ZFHX3: variants seen among roughly 807,000 people sequenced by gnomAD.
ZFHX3 encodes zinc finger homeobox 3, also known as zinc finger homeobox protein 3.
Under a neutral mutation model 279.1 loss-of-function variants are expected in ZFHX3, and 42 were observed. That is an observed-to-expected ratio of 0.15 (90% CI 0.12 to 0.19). ZFHX3 has a LOEUF of 0.19. Ranked by LOEUF, ZFHX3 falls within the 10% of genes least tolerant of loss-of-function variation. The pLI, the probability that ZFHX3 is intolerant of heterozygous loss-of-function variation, is 1.00. For missense variants in ZFHX3, 4,981 were observed against 4,754.0 expected, an observed-to-expected ratio of 1.05 and a Z score of -1.40; for synonymous variants, 2,293 against 1,957.8, an observed-to-expected ratio of 1.17 and a Z score of -4.52.
chr16:73,439,490 G>A (rs765050038), intron 3 of ZFHX3, among the ~76,000 whole-genome samples: 1 of 151,928 alleles, frequency 6.6e-6, no homozygotes, highest in Non-Finnish European at 1.5e-5. Context: ...ACAACTAAAT[G>A]CAAAATGCAT....
intron 2 of ZFHX3, among the ~76,000 whole-genome samples, chr16:73,521,444 G>C (rs144366503): frequency 1.3e-5 from 2 of 152,266 alleles, no homozygotes; most frequent in Non-Finnish European, 2.9e-5. Flanking sequence ...TACCACAATA[G>C]TACTGGTAAT....
chr16:73,342,467 A>T (rs2016050673), intron 3 of ZFHX3, among the ~76,000 whole-genome samples: 1 of 152,232 alleles, frequency 6.6e-6, no homozygotes, highest in Non-Finnish European at 1.5e-5. Context: ...TGGTGCAATC[A>T]GACAGTGCGG....
intron 1 of ZFHX3, among the ~76,000 whole-genome samples, chr16:73,009,770 C>T (rs1318135296): frequency 6.6e-6 from 1 of 152,102 alleles, no homozygotes; most frequent in East Asian, 1.9e-4. Context: ...CCTGTAATTC[C>T]AGCACTTTCA....
chr16:73,686,876 A>G (rs1253333454), intron 1 of ZFHX3, among the ~76,000 whole-genome samples: 1 of 151,408 alleles, frequency 6.6e-6, no homozygotes, highest in Non-Finnish European at 1.5e-5. Context: ...TTTGGGGTGC[A>G]CTGGTCTTGG....
chr16:73,776,258 G>T (rs1295665230), intron 1 of ZFHX3, among the ~76,000 whole-genome samples: 1 of 152,102 alleles, frequency 6.6e-6, no homozygotes, highest in African/African-American at 2.4e-5. Context: ...AAGTGTGCAG[G>T]GCTAGGAGAG....
chr16:73,189,073 AG>A (rs1390451015), intron 5 of ZFHX3, among the ~76,000 whole-genome samples: 3 of 152,122 alleles, frequency 2.0e-5, no homozygotes, highest in Non-Finnish European at 4.4e-5. Context: ...CATATTGGCC[AG>A]GCTGGTCTCG....
At chr16:73,579,689 A>C (rs1049676084) in intron 2 of ZFHX3, among the ~76,000 whole-genome samples, 3 of 150,304 alleles carry the variant, frequency 2.0e-5, no homozygotes, top group Non-Finnish European at 3.0e-5. Flanking sequence ...TTTTTAGTAG[A>C]GACGGGGTTT....
At chr16:73,806,046 A>G (rs1567416459) in intron 1 of ZFHX3, among the ~76,000 whole-genome samples, 1 of 152,236 alleles carries the variant, frequency 6.6e-6, no homozygotes, top group Non-Finnish European at 1.5e-5. Flanking sequence ...GGCGAAAGGC[A>G]TCTCTTCACA....
chr16:73,673,949 A>T (rs1287552455), intron 2 of ZFHX3, among the ~76,000 whole-genome samples: 1 of 152,212 alleles, frequency 6.6e-6, no homozygotes, highest in African/African-American at 2.4e-5. Context: ...CCCCTAAGTC[A>T]GGTGACGAAC....
At chr16:73,255,253 A>G (rs2013631409) in intron 5 of ZFHX3, among the ~76,000 whole-genome samples, 1 of 152,248 alleles carries the variant, frequency 6.6e-6, no homozygotes, top group Admixed American at 6.5e-5. Context: ...CTAAATGATA[A>G]CAAGCCAGTG....
At position 73,407,805 on chromosome 16, in the gene ZFHX3, GC is replaced by G. The variant is rs549284619; in HGVS notation, c.-1291+48197del. Among the ~76,000 whole-genome samples, 19 of 152,338 alleles carry G rather than the reference GC, an allele frequency of 1.2e-4. No homozygotes were observed. The South Asian group carries it at 1.9e-3, about 15-fold the overall frequency. On this transcript the variant is annotated intron_variant, in intron 3 of 17. Coordinates refer to the ZFHX3 transcript ENST00000641206. ...AGAGGCAGCAAGTTCTGTAGGTTTG[GC>G]CAGATCTTCCTTTTCAAAGACAGAC... is the stretch of plus-strand genomic sequence containing the variant.
At chr16:73,012,635 G>C (rs943788101) in intron 1 of ZFHX3, among the ~76,000 whole-genome samples, 1 of 152,156 alleles carries the variant, frequency 6.6e-6, no homozygotes, top group Non-Finnish European at 1.5e-5. Context: ...AATCTAGGCA[G>C]CTGGAGATGA....
At chr16:73,840,078 A>G (rs901478131) in intron 1 of ZFHX3, among the ~76,000 whole-genome samples, 2 of 152,116 alleles carry the variant, frequency 1.3e-5, no homozygotes, top group African/African-American at 4.8e-5. Flanking sequence ...TTGTCTCTGC[A>G]CACCCAGCTC....
upstream of ZFHX3, chr16:73,048,455 G>A (rs1965382204): frequency 1.3e-5 from 2 of 151,982 alleles, no homozygotes; most frequent in Non-Finnish European, 1.5e-5. Flanking sequence ...ACCCGCCTGG[G>A]GCCAGGAACC....
At chr16:73,184,727 T>A (rs1338395126) in intron 5 of ZFHX3, among the ~76,000 whole-genome samples, 2 of 152,158 alleles carry the variant, frequency 1.3e-5, no homozygotes, top group South Asian at 4.1e-4. Context: ...TTTGCAAGGA[T>A]GAGGAGGCCC....
At chr16:73,599,952 T>C (rs953065141) in intron 2 of ZFHX3, among the ~76,000 whole-genome samples, 4 of 152,194 alleles carry the variant, frequency 2.6e-5, no homozygotes, top group African/African-American at 9.6e-5. Context: ...CCTAAAGCTA[T>C]TGATGATGGT....
chr16:73,651,032 T>C (rs1426397819), intron 2 of ZFHX3, among the ~76,000 whole-genome samples: 1 of 151,972 alleles, frequency 6.6e-6, no homozygotes, highest in Non-Finnish European at 1.5e-5. Context: ...AGAATAAAAA[T>C]TAAGCTTTAA....
At chr16:73,691,632 A>G (rs1030498213) in intron 1 of ZFHX3, among the ~76,000 whole-genome samples, 1 of 152,212 alleles carries the variant, frequency 6.6e-6, no homozygotes, top group Non-Finnish European at 1.5e-5. Context: ...CATGGGATAG[A>G]TTCTATAAAT....
intron 3 of ZFHX3, among the ~76,000 whole-genome samples, chr16:73,341,242 G>A (rs2016027502): frequency 6.6e-6 from 1 of 152,150 alleles, no homozygotes; most frequent in South Asian, 2.1e-4. Flanking sequence ...TGAGGAGGCT[G>A]AGGCAGGAGA....
Sources: gnomAD v4.1 joint callset for allele counts (sites outside exome capture counted in the v4.1 genomes callset) on GRCh38, gnomAD v4.1.1 for gene constraint, MANE v1.5 for transcripts, NCBI Gene and HGNC (gene_info 2026-07-23, HGNC 2026-07-21) for gene names.